APAF1: variants seen among roughly 807,000 people sequenced by gnomAD.
The protein encoded by APAF1 is apoptotic protease-activating factor 1.
APAF1 carries 91 observed loss-of-function variants against 152.4 expected under a neutral mutation model. The observed-to-expected ratio is 0.60, with a 90% confidence interval of 0.50 to 0.71. The LOEUF is 0.71. Among genes scored for constraint, APAF1 ranks in the 30% least tolerant of loss-of-function variants. APAF1 has a pLI of 0.00. For missense variants in APAF1, 1,283 were observed against 1,472.0 expected (o/e 0.87, Z 2.10); for synonymous variants, 484 against 494.1 (o/e 0.98, Z 0.27).
At chr12:98,708,321 G>C (rs2153338087) in intron 19 of APAF1, among the ~76,000 whole-genome samples, 1 of 152,296 alleles carries the variant, frequency 6.6e-6, no homozygotes, top group African/African-American at 2.4e-5. Context: ...GTAACACTGG[G>C]TTAAGCAACC....
At chr12:98,720,617 T>C (rs2097741109) in intron 22 of APAF1, among the ~76,000 whole-genome samples, 1 of 152,190 alleles carries the variant, frequency 6.6e-6, no homozygotes, top group African/African-American at 2.4e-5. Context: ...AAAGGCCAAG[T>C]ATTACCCATG....
In APAF1 at chr12:98,662,790, TATA is replaced by T; in HGVS notation, c.941_943del (p.Ile314del). 1 of 1,609,530 alleles carries T rather than the reference TATA, an allele frequency of 6.2e-7. No homozygotes were observed. The highest frequency in any genetic ancestry group is 8.5e-7 in the Non-Finnish European group (1 of 1,177,370). ...ATTTGCCAGAACAAGCTCATAGTAT[TATA>T]AAAGAATGTAAAGGTATGGTTATTT... is the stretch of plus-strand genomic sequence containing the variant. On this transcript the variant is annotated inframe_deletion, in exon 7 of 27. Transcript: ENST00000551964.
In APAF1 at chr12:98,665,601, C is replaced by G; in HGVS notation, c.1004C>G (p.Pro335Arg). The change falls in exon 8 of 27, where the codon CCC (proline) becomes CGC (arginine). Residue 335 changes from proline to arginine, a missense_variant. Physicochemically the swap from Pro to Arg is moderately radical, Grantham distance 103. Transcript: ENST00000551964. Reference protein sequence around the residue: ...SLIGALLRDFPNRWEYYLKQL... With the variant: ...SLIGALLRDFRNRWEYYLKQL... ...ATTGGTGCACTTTTACGTGATTTTC[C>G]CAATCGCTGGGAGTACTACCTCAAA... 6.2e-7 allele frequency: 1 copy of G among 1,613,532 alleles called. No homozygotes were observed. The highest frequency in any genetic ancestry group is 2.2e-5 in the East Asian group (1 of 44,844).
At position 98,665,480 on chromosome 12, in the gene APAF1, A is replaced by G. The variant is rs78282483; in HGVS notation, c.956-73A>G. The G allele has an allele frequency of 1.3e-3, 1,290 of 1,007,972 alleles. 10 individuals carry two copies. The African/African-American group carries it at 0.018, about 14-fold the overall frequency. The allele number at this position is 1,007,972 out of a possible 1,614,324, so 62.4% of individuals were successfully genotyped here. ...GCAGAAATTGTTTCTTAGTAATGTA[A>G]GTAAGTAAGTCGATTCTTATTAGTG... is the stretch of plus-strand genomic sequence containing the variant. On this transcript the variant is annotated intron_variant, in intron 7 of 26. Transcript: ENST00000551964.
At chr12:98,675,955 ATACCAT>A (rs2097686032) in intron 12 of APAF1, among the ~76,000 whole-genome samples, 1 of 152,218 alleles carries the variant, frequency 6.6e-6, no homozygotes, top group South Asian at 2.1e-4. Context: ...TTTAGAATAG[ATACCAT>A]TACTTCCATT....
At position 98,715,447 on chromosome 12, in the gene APAF1, T is replaced by C; in HGVS notation, c.2979T>C (p.Asn993=). The C allele has an allele frequency of 6.2e-7, 1 of 1,613,484 alleles. No individual in the cohort carries two copies. The highest frequency in any genetic ancestry group is 8.5e-7 in the Non-Finnish European group (1 of 1,179,726). ...GAIEILELVN[N]RIFQSRFQHK... is the part of the protein sequence containing the mutation. ...TGAAGATTTTAGAACTTGTAAACAA[T>C]AGAATCTTCCAGTCCAGGTTTCAGC... Residue 993 remains asparagine, a synonymous_variant, in exon 22 of 27, where the codon AAT becomes AAC. Transcript: ENST00000551964.
rs746738305 is a variant in APAF1, at chr12:98,712,594, G to A, written c.2958+159G>A. ...TACAGTGACACGATCACAGCCGACT[G>A]CAGCCTTGACCTTCTGAGCTCAAGT... On this transcript the variant is annotated intron_variant, in intron 21 of 26. Transcript: ENST00000551964. 6.5e-6 allele frequency: 4 copies of A among 612,116 alleles called. No homozygotes were observed. In the African/African-American group the frequency reaches 7.4e-5, roughly 11 times the overall value. 37.9% of individuals were successfully genotyped at this position (612,116 alleles called of 1,614,324 possible). A position where few individuals can be genotyped will look rare whatever the true frequency, so the allele number is the denominator to read the frequency against.
At chr12:98,697,794 T>G (rs2097711426) in intron 16 of APAF1, among the ~76,000 whole-genome samples, 1 of 152,212 alleles carries the variant, frequency 6.6e-6, no homozygotes, top group Non-Finnish European at 1.5e-5. Flanking sequence ...TCCTGTAAGT[T>G]TTTACCTTTT....
chr12:98,712,759 C>T (rs143622471), intron 21 of APAF1: 242 of 284,340 alleles, frequency 8.5e-4, no homozygotes, highest in Non-Finnish European at 1.1e-3. Context: ...AGCGATTGTC[C>T]GGCCTCAGCC....
At chr12:98,653,698 A>C (rs1393218497) in intron 4 of APAF1, among the ~76,000 whole-genome samples, 39 of 94,468 alleles carry the variant, frequency 4.1e-4, no homozygotes, top group African/African-American at 1.7e-3. Context: ...AAAAATATAT[A>C]TATATATATA....
chr12:98,647,135 C>T (rs898450438), intron 1 of APAF1, among the ~76,000 whole-genome samples: 3 of 151,416 alleles, frequency 2.0e-5, no homozygotes, highest in Non-Finnish European at 4.4e-5. Context: ...CAGTAGAGGC[C>T]GGGCATGGTG....
intron 16 of APAF1, among the ~76,000 whole-genome samples, chr12:98,694,311 A>G (rs2097707476): frequency 6.6e-6 from 1 of 152,224 alleles, no homozygotes; most frequent in Non-Finnish European, 1.5e-5. Context: ...ACAGCAAAAG[A>G]AACTATCAAC....
In APAF1 at chr12:98,676,780, G is replaced by T. The variant is rs185990690; in HGVS notation, c.1794-645G>T. 2.4e-3 allele frequency among the ~76,000 whole-genome samples: 360 copies of T among 151,958 alleles called. 2 individuals are homozygous for T. Among genetic ancestry groups the T allele is most frequent in the African/African-American group, 8.3e-3 (343 of 41,444 alleles). ...TCCTGCCTCAGCCTCCCAAGTAGCT[G>T]GGATTACAGGCACGTGCCACCACAC... On this transcript the variant is annotated intron_variant, in intron 12 of 26. Transcript: ENST00000551964.
At chr12:98,701,397 A>G (rs10745836) in intron 17 of APAF1, among the ~76,000 whole-genome samples, 77,424 of 151,914 alleles carry the variant, frequency 0.51, 20,267 homozygotes, top group Admixed American at 0.59. Flanking sequence ...GTAATTCTTT[A>G]TTTATTTAGT....
chr12:98,702,287 G>A (rs551199444), intron 17 of APAF1, among the ~76,000 whole-genome samples: 31 of 151,940 alleles, frequency 2.0e-4, no homozygotes, highest in African/African-American at 7.2e-4. Context: ...GGATGGTCTC[G>A]ATCTCCTGAC....
At chr12:98,702,841 CAAAA>C (rs201068873) in intron 17 of APAF1, among the ~76,000 whole-genome samples, 1 of 81,128 alleles carries the variant, frequency 1.2e-5, no homozygotes, top group African/African-American at 3.8e-5. Flanking sequence ...AAGTCTGTCT[CAAAA>C]AAAAAAAAAA....
At chr12:98,708,550 G>T in intron 19 of APAF1, 35 bp from the exon 20 acceptor site, 3 of 1,604,736 alleles carry the variant, frequency 1.9e-6, no homozygotes, top group Non-Finnish European at 2.6e-6. Context: ...TGTTATTTTA[G>T]AGATGGAATG....
chr12:98,661,330 G>A (rs545407873), intron 5 of APAF1, among the ~76,000 whole-genome samples: 1 of 152,024 alleles, frequency 6.6e-6, no homozygotes, highest in Non-Finnish European at 1.5e-5. Flanking sequence ...ATTGACTTCT[G>A]TTGAGTAAAA....
chr12:98,659,247 G>T lies in APAF1; in HGVS notation c.614G>T (p.Arg205Leu). 1.9e-6 allele frequency: 3 copies of T among 1,614,180 alleles called. No homozygotes were observed. Among genetic ancestry groups the T allele is most frequent in the Non-Finnish European group, 2.5e-6 (3 of 1,180,020 alleles). ...ATGAAACTGCAGAATCTTTGCACAC[G>T]GTTGGATCAGGATGAGAGTTTTTCC... ...LLMKLQNLCT[R>L]LDQDESFSQR... The change falls in exon 5 of 27, where the codon CGG (arginine) becomes CTG (leucine). Residue 205 changes from arginine to leucine, a missense_variant. Physicochemically the swap from Arg to Leu is moderately radical, Grantham distance 102. Coordinates refer to ENST00000551964, the MANE Select transcript of APAF1 (RefSeq NM_181861.2).
Sources: gnomAD v4.1 joint callset for allele counts (sites outside exome capture counted in the v4.1 genomes callset) on GRCh38, gnomAD v4.1.1 for gene constraint, MANE v1.5 for transcripts, NCBI Gene and HGNC (gene_info 2026-07-23, HGNC 2026-07-21) for gene names.